TNRC6A: variants seen among roughly 807,000 people sequenced by gnomAD.
TNRC6A encodes trinucleotide repeat containing adaptor 6A.
TNRC6A carries 44 observed loss-of-function variants against 221.2 expected under a neutral mutation model. That is an observed-to-expected ratio of 0.20 (90% CI 0.16 to 0.26). The LOEUF (loss-of-function observed/expected upper bound fraction) is 0.26. TNRC6A is among the 10% of genes least tolerant of loss of function. TNRC6A has a pLI of 1.00. For missense variants in TNRC6A, 2,199 were observed against 2,404.4 expected (o/e 0.91, Z 1.79); for synonymous variants, 847 against 838.5 (o/e 1.01, Z -0.18).
At chr16:24,655,342 A>G (rs2054888049) in intron 2 of TNRC6A, among the ~76,000 whole-genome samples, 1 of 152,254 alleles carries the variant, frequency 6.6e-6, no homozygotes, top group Non-Finnish European at 1.5e-5. Context: ...TATTTTCACT[A>G]TAATCGCCAT....
chr16:24,709,062 G>C (rs1386230292), intron 2 of TNRC6A, among the ~76,000 whole-genome samples: 1 of 151,920 alleles, frequency 6.6e-6, no homozygotes, highest in Admixed American at 6.6e-5. Context: ...TTCGAGACCA[G>C]CCTGATCAAC....
At chr16:24,761,720 G>A (rs2057368271) in intron 4 of TNRC6A, among the ~76,000 whole-genome samples, 4 of 151,480 alleles carry the variant, frequency 2.6e-5, no homozygotes, top group Admixed American at 2.0e-4. Context: ...TTTTTTAAAC[G>A]TGATCATGCT....
At chr16:24,701,924 T>A (rs1467692873) in intron 2 of TNRC6A, among the ~76,000 whole-genome samples, 1 of 152,048 alleles carries the variant, frequency 6.6e-6, no homozygotes, top group Non-Finnish European at 1.5e-5. Context: ...TTGTTCCTAT[T>A]TCTTCCACAT....
chr16:24,747,729 C>T (rs1355341369), intron 2 of TNRC6A, among the ~76,000 whole-genome samples: 1 of 152,156 alleles, frequency 6.6e-6, no homozygotes. Flanking sequence ...ACAAAACTTA[C>T]TCCCCTCTGT....
Position 24,730,977 on chromosome 16 carries a change from AT to A in TNRC6A, c.53+692del, listed in dbSNP as rs34743729. Among the ~76,000 whole-genome samples, 493 of 145,396 alleles carry A rather than the reference AT, an allele frequency of 3.4e-3. 5 individuals are homozygous for A. Among genetic ancestry groups the A allele is most frequent in the African/African-American group, 0.011 (425 of 39,564 alleles). The stretch of plus-strand genomic sequence containing the variant: ...GCTTTTGCATCACCGTGAAGGGAGA[AT>A]TTTTTTTTTTTTTTAAACGATGTCT... On this transcript the variant is annotated intron_variant, in intron 2 of 24. Coordinates refer to ENST00000395799, the MANE Select transcript of TNRC6A (RefSeq NM_014494.4).
intron 2 of TNRC6A, among the ~76,000 whole-genome samples, chr16:24,656,361 G>C (rs2054911493): frequency 6.6e-6 from 1 of 151,540 alleles, no homozygotes; most frequent in South Asian, 2.1e-4. Context: ...CAGCTACACA[G>C]GAGGCTGAGG....
At chr16:24,742,659 C>T (rs750387042) in intron 2 of TNRC6A, among the ~76,000 whole-genome samples, 34 of 152,162 alleles carry the variant, frequency 2.2e-4, no homozygotes, top group Non-Finnish European at 1.3e-4. Flanking sequence ...CAGTGGCTCA[C>T]GCCTGTAATC....
At chr16:24,818,389 CCAAGGCAGAGA>C (rs1183847424) in intron 20 of TNRC6A, among the ~76,000 whole-genome samples, 193 bp from the exon 21 acceptor site, 1 of 152,132 alleles carries the variant, frequency 6.6e-6, no homozygotes. Flanking sequence ...CTGTGCTGAG[CCAAGGCAGAGA>C]CAATTGGCGA....
At position 24,825,171 on chromosome 16, in the gene TNRC6A, A is replaced by G. The variant is rs1175716637; in HGVS notation, c.*1364A>G. Reference sequence around the variant, plus strand: ...AAATGTTGTTGCAAACTAACGAGTTACACCATTTTAAACTTTCTTTCCTCC... The same window carrying G: ...AAATGTTGTTGCAAACTAACGAGTTGCACCATTTTAAACTTTCTTTCCTCC... On this transcript the variant is annotated 3_prime_UTR_variant, in exon 25 of 25. Coordinates refer to ENST00000395799, the MANE Select transcript of TNRC6A (RefSeq NM_014494.4). 4 of 152,666 alleles carry G rather than the reference A, an allele frequency of 2.6e-5. No homozygotes were observed. Among genetic ancestry groups the G allele is most frequent in the African/African-American group, 4.8e-5 (2 of 41,472 alleles). The allele number at this position is 152,666 out of a possible 1,614,324, so 9.5% of individuals were successfully genotyped here.
chr16:24,649,553 C>T (rs1218932641), intron 2 of TNRC6A, among the ~76,000 whole-genome samples: 2 of 152,074 alleles, frequency 1.3e-5, no homozygotes, highest in African/African-American at 4.8e-5. Context: ...AAGAAATCCT[C>T]CCACCTCTGC....
chr16:24,782,905 A>G (rs968626293), intron 5 of TNRC6A, among the ~76,000 whole-genome samples: 1 of 152,124 alleles, frequency 6.6e-6, no homozygotes. Flanking sequence ...CTGTACATCT[A>G]AGGTTCTCTC....
At chr16:24,715,859 G>T (rs560695945) in intron 2 of TNRC6A, among the ~76,000 whole-genome samples, 2 of 152,000 alleles carry the variant, frequency 1.3e-5, no homozygotes, top group South Asian at 4.2e-4. Flanking sequence ...GGCCTCAAGT[G>T]ATCTGCCCAC....
intron 2 of TNRC6A, among the ~76,000 whole-genome samples, chr16:24,694,303 G>C (rs998068295): frequency 6.6e-5 from 10 of 152,100 alleles, no homozygotes; most frequent in African/African-American, 2.4e-4. Flanking sequence ...CAAGCCCCCT[G>C]TTTCCAAAAC....
At chr16:24,809,502 C>CAAAAAAAAA in intron 18 of TNRC6A, 21 bp downstream of exon 18, 1 of 1,170,834 alleles carries the variant, frequency 8.5e-7, no homozygotes, top group Non-Finnish European at 1.1e-6. Flanking sequence ...TACATCTTAC[C>CAAAAAAAAA]AAAAAAAAAA....
At chr16:24,730,213 G>C in intron 1 of TNRC6A, 40 bp from the exon 2 acceptor site, 1 of 1,581,312 alleles carries the variant, frequency 6.3e-7, no homozygotes, top group African/African-American at 1.4e-5. Context: ...TTTTGTGTGT[G>C]TGTTTTTGTT....
intron 16 of TNRC6A, 90 bp downstream of exon 16, chr16:24,806,373 C>A: frequency 6.6e-7 from 1 of 1,515,932 alleles, no homozygotes; most frequent in Non-Finnish European, 9.0e-7. Flanking sequence ...AAATGTCTTT[C>A]TTAAAACAAT....
intron 1 of TNRC6A, among the ~76,000 whole-genome samples, chr16:24,624,781 G>A (rs1900870198): frequency 6.6e-6 from 1 of 152,222 alleles, no homozygotes; most frequent in South Asian, 2.1e-4. Flanking sequence ...ACTGCACTCA[G>A]CAAAGGACAG....
intron 4 of TNRC6A, among the ~76,000 whole-genome samples, chr16:24,767,913 C>G (rs1421983094): frequency 6.6e-6 from 1 of 152,134 alleles, no homozygotes; most frequent in Non-Finnish European, 1.5e-5. Context: ...CTGAAGCTCT[C>G]TAGAGATTGC....
intron 5 of TNRC6A, among the ~76,000 whole-genome samples, chr16:24,781,862 G>T: frequency 6.8e-6 from 1 of 147,510 alleles, no homozygotes; most frequent in East Asian, 2.0e-4. Flanking sequence ...TCTCGCTGTT[G>T]CCCAGGCTGG....
Sources: allele counts gnomAD v4.1 joint callset (sites outside exome capture counted in the v4.1 genomes callset), GRCh38; gene constraint gnomAD v4.1.1; transcripts MANE v1.5; gene names NCBI Gene and HGNC (gene_info 2026-07-23, HGNC 2026-07-21).